The following EEFSEC variants were observed in gnomAD, a reference collection of about 807,000 sequenced individuals.
EEFSEC encodes eukaryotic elongation factor, selenocysteine-tRNA specific.
In EEFSEC, 43 loss-of-function variants were observed where a neutral mutation model predicts 42.1. The ratio of observed to expected loss-of-function variants is 1.02; its 90% CI spans 0.80 to 1.32. EEFSEC has a LOEUF of 1.32. Ranked by LOEUF, EEFSEC falls within the 40% of genes most tolerant of loss-of-function variation. The probability of loss-of-function intolerance (pLI) is 0.00; values close to 1 mark genes in which losing one functional copy is unlikely to be tolerated. For synonymous variants in EEFSEC, 354 were observed against 339.1 expected, an observed-to-expected ratio of 1.04 and a Z score of -0.48; for missense variants, 745 against 803.6, an observed-to-expected ratio of 0.93 and a Z score of 0.88.
At chr3:128,222,613 A>T (rs367873623) in intron 1 of EEFSEC, among the ~76,000 whole-genome samples, 2 of 152,164 alleles carry the variant, frequency 1.3e-5, no homozygotes, top group Middle Eastern at 3.2e-3. Flanking sequence ...ACCATACTTT[A>T]TCTGTCTACT....
intron 1 of EEFSEC, among the ~76,000 whole-genome samples, chr3:128,241,600 CT>C (rs1354469407): frequency 1.3e-5 from 2 of 152,180 alleles, no homozygotes; most frequent in Admixed American, 6.5e-5. Context: ...CCACTTTAGC[CT>C]CCCAAAGTGC....
rs185205700 is a variant in EEFSEC, at chr3:128,252,204, C to T, written c.524+5161C>T. Among the ~76,000 whole-genome samples the T allele has an allele frequency of 4.0e-3, 604 of 152,318 alleles. 7 individuals carry two copies. Among genetic ancestry groups the T allele is most frequent in the African/African-American group, 0.013 (559 of 41,562 alleles). ...GGAGCCCACCAGGGACTCCATTGAT[C>T]CTGCCTCCCTCCCTGTGAATGGGTT... On this transcript the variant is annotated intron_variant, in intron 2 of 6. Transcript: ENST00000254730.
At chr3:128,388,342 C>T (rs1395749154) in intron 6 of EEFSEC, among the ~76,000 whole-genome samples, 1 of 152,204 alleles carries the variant, frequency 6.6e-6, no homozygotes, top group Non-Finnish European at 1.5e-5. Flanking sequence ...CTTCCTGACA[C>T]CCCTTCTCGG....
At chr3:128,203,308 A>G (rs926784416) in intron 1 of EEFSEC, among the ~76,000 whole-genome samples, 1 of 152,228 alleles carries the variant, frequency 6.6e-6, no homozygotes, top group African/African-American at 2.4e-5. Flanking sequence ...AGCCATTCAC[A>G]TTTCCCTTCA....
intron 4 of EEFSEC, among the ~76,000 whole-genome samples, chr3:128,299,593 T>C (rs529911591): frequency 6.6e-6 from 1 of 152,264 alleles, no homozygotes; most frequent in East Asian, 1.9e-4. Flanking sequence ...GACAAAAATA[T>C]TTTGATGTCC....
intron 4 of EEFSEC, among the ~76,000 whole-genome samples, chr3:128,290,880 G>T (rs1014582348): frequency 1.3e-5 from 2 of 151,998 alleles, no homozygotes; most frequent in Non-Finnish European, 2.9e-5. Context: ...CAAGAAGCGG[G>T]ATTACAGGTG....
At chr3:128,206,949 G>C (rs1310886062) in intron 1 of EEFSEC, among the ~76,000 whole-genome samples, 4 of 152,134 alleles carry the variant, frequency 2.6e-5, no homozygotes, top group African/African-American at 9.7e-5. Flanking sequence ...CCAAACACAG[G>C]CTCACTCTCC....
At chr3:128,313,705 C>G (rs1013083146) in intron 4 of EEFSEC, among the ~76,000 whole-genome samples, 2 of 152,226 alleles carry the variant, frequency 1.3e-5, no homozygotes, top group Admixed American at 6.5e-5. Context: ...AGAACTGTTC[C>G]CGGGCTCTCA....
intron 4 of EEFSEC, among the ~76,000 whole-genome samples, chr3:128,295,964 G>A (rs1170234145): frequency 6.6e-6 from 1 of 152,202 alleles, no homozygotes; most frequent in East Asian, 1.9e-4. Context: ...CTCAGCTCTT[G>A]TGACTGAGTG....
chr3:128,167,626 A>C (rs2065254301), intron 1 of EEFSEC, among the ~76,000 whole-genome samples: 1 of 152,236 alleles, frequency 6.6e-6, no homozygotes, highest in Admixed American at 6.5e-5. Flanking sequence ...CGTGGCCCAC[A>C]GAGGGTCAGC....
At chr3:128,343,004 C>A (rs2067272793) in intron 5 of EEFSEC, among the ~76,000 whole-genome samples, 1 of 152,228 alleles carries the variant, frequency 6.6e-6, no homozygotes, top group Non-Finnish European at 1.5e-5. Context: ...CATGACTGGG[C>A]TTTGACTGGC....
intron 6 of EEFSEC, among the ~76,000 whole-genome samples, chr3:128,407,164 G>A (rs1000444175): frequency 3.3e-5 from 5 of 152,188 alleles, no homozygotes; most frequent in Non-Finnish European, 7.3e-5. Context: ...GCGTGTCGGG[G>A]CATCAGCAGA....
rs535399282 is a variant in EEFSEC at position 128,277,737 on chromosome 3, C to T, written c.786+12956C>T. ...TTACTGCCTGGCAGACAGCTCTGCA[C>T]GTGAGCACATGTGCACATATGGCCT... On this transcript the variant is annotated intron_variant, in intron 4 of 6. Coordinates refer to ENST00000254730, the MANE Select transcript of EEFSEC (RefSeq NM_021937.5). Among the ~76,000 whole-genome samples the T allele has an allele frequency of 2.0e-4, 31 of 152,342 alleles. 1 individual carries two copies. The South Asian group carries it at 6.4e-3, about 32-fold the overall frequency.
downstream of EEFSEC, among the ~76,000 whole-genome samples, chr3:128,409,479 G>A (rs1267227511): frequency 1.3e-5 from 2 of 152,142 alleles, no homozygotes; most frequent in Non-Finnish European, 2.9e-5. Flanking sequence ...CAGCGATGGC[G>A]ACTGGCCCAG....
At chr3:128,283,777 C>A (rs1265357304) in intron 4 of EEFSEC, among the ~76,000 whole-genome samples, 1 of 152,138 alleles carries the variant, frequency 6.6e-6, no homozygotes. Flanking sequence ...CTGCCCTCAC[C>A]CCTGGCCTGC....
intron 4 of EEFSEC, among the ~76,000 whole-genome samples, chr3:128,287,286 A>G (rs1183673891): frequency 6.6e-6 from 1 of 152,104 alleles, no homozygotes; most frequent in African/African-American, 2.4e-5. Context: ...ACAGTGATGC[A>G]GCTCCAAGGG....
At chr3:128,343,062 C>T (rs1382445932) in intron 5 of EEFSEC, among the ~76,000 whole-genome samples, 1 of 152,196 alleles carries the variant, frequency 6.6e-6, no homozygotes, top group African/African-American at 2.4e-5. Flanking sequence ...GGCTCAGGCT[C>T]CTAGCAGGAG....
chr3:128,383,531 G>A (rs964627339), intron 6 of EEFSEC, among the ~76,000 whole-genome samples: 21 of 152,360 alleles, frequency 1.4e-4, no homozygotes, highest in South Asian at 4.1e-4. Flanking sequence ...GTGAAGGCAC[G>A]CAGCTGATCT....
chr3:128,155,690 G>A (rs768816786), intron 1 of EEFSEC, among the ~76,000 whole-genome samples: 8 of 152,160 alleles, frequency 5.3e-5, no homozygotes, highest in Non-Finnish European at 8.8e-5. Flanking sequence ...AATTGGCTTG[G>A]TGGCAGATGG....
Sources: gnomAD v4.1 joint callset for allele counts (sites outside exome capture counted in the v4.1 genomes callset) on GRCh38, gnomAD v4.1.1 for gene constraint, MANE v1.5 for transcripts, NCBI Gene and HGNC (gene_info 2026-07-23, HGNC 2026-07-21) for gene names.